Variants in VGLL4 observed in about 807,000 individuals in gnomAD.
VGLL4 encodes transcription cofactor vestigial-like protein 4.
Under a neutral mutation model 21.0 loss-of-function variants are expected in VGLL4, and 7 were observed. The observed-to-expected ratio is 0.33, with a 90% CI of 0.19 to 0.63. The LOEUF is 0.63. VGLL4 is among the 20% of genes least tolerant of loss of function. The pLI, the probability that VGLL4 is intolerant of heterozygous loss-of-function variation, is 0.78. For synonymous variants in VGLL4, 222 were observed against 173.2 expected, an observed-to-expected ratio of 1.28 and a Z score of -2.21; for missense variants, 394 against 425.7, an observed-to-expected ratio of 0.93 and a Z score of 0.66.
chr3:11,568,793 C>A lies in VGLL4; in HGVS notation c.273-3774G>T. On this transcript the variant is annotated intron_variant, in intron 2 of 4. Transcript: ENST00000430365. This position sits in a 1 kb window ranked among gnomAD's most constrained non-coding sequence, Gnocchi z 5.9. ...CTCCGCTCCTGGTCAGGACTGTGCCCGAGAGAGCCCACGGCATCCCCGCGA... is the reference window on the plus strand; with the variant it reads ...CTCCGCTCCTGGTCAGGACTGTGCCAGAGAGAGCCCACGGCATCCCCGCGA... 2 of 1,447,416 alleles carry A rather than the reference C, an allele frequency of 1.4e-6. No homozygotes were observed. Among genetic ancestry groups the A allele is most frequent in the Non-Finnish European group, 1.8e-6 (2 of 1,103,824 alleles). 89.7% of individuals were successfully genotyped at this position (1,447,416 alleles called of 1,614,324 possible).
At chr3:11,691,983 G>GA (rs36035876) in intron 2 of VGLL4, among the ~76,000 whole-genome samples, 62,881 of 105,664 alleles carry the variant, frequency 0.6, 17,028 homozygotes, top group Non-Finnish European at 0.67. Flanking sequence ...TGCACCAAAT[G>GA]AAAAAAAAAA....
rs909209898 is a variant in VGLL4 at position 11,568,512 on chromosome 3, T to C, written c.273-3493A>G. On this transcript the variant is annotated intron_variant, in intron 2 of 4. Transcript: ENST00000430365. This position sits in a 1 kb window ranked among gnomAD's most constrained non-coding sequence, Gnocchi z 5.9. ...AGACAGTCCGTGGAACACAGCACAG[T>C]GGGCACTATGGGTCAGACAAAGACA... is the stretch of plus-strand genomic sequence containing the variant. The C allele has an allele frequency of 5.3e-6, 8 of 1,498,206 alleles. No individual in the cohort carries two copies. The highest frequency in any genetic ancestry group is 7.3e-6 in the Non-Finnish European group (8 of 1,099,296). 92.8% of individuals were successfully genotyped at this position (1,498,206 alleles called of 1,614,324 possible).
intron 1 of VGLL4, among the ~76,000 whole-genome samples, chr3:11,628,374 G>A (rs1365191930): frequency 6.7e-6 from 1 of 150,108 alleles, no homozygotes; most frequent in Non-Finnish European, 1.5e-5. Context: ...GGCAACAAGA[G>A]TGAAACTCCG....
intron 2 of VGLL4, among the ~76,000 whole-genome samples, chr3:11,700,282 G>A (rs1001705251): frequency 1.3e-5 from 2 of 152,126 alleles, no homozygotes; most frequent in Admixed American, 6.5e-5. Context: ...TTACCCTGAG[G>A]TAATTATTTC....
At chr3:11,562,640 GC>G (rs1416098166) in intron 3 of VGLL4, among the ~76,000 whole-genome samples, 1 of 152,224 alleles carries the variant, frequency 6.6e-6, no homozygotes, top group Admixed American at 6.5e-5. Context: ...GGTGTGCATG[GC>G]CTCAGCCCCG....
chr3:11,581,582 T>C (rs1245360771), intron 2 of VGLL4, among the ~76,000 whole-genome samples: 1 of 152,142 alleles, frequency 6.6e-6, no homozygotes, highest in Non-Finnish European at 1.5e-5. Flanking sequence ...ACCGTACAAG[T>C]TACTGAGAGA....
chr3:11,602,091 C>T (rs760870737), intron 1 of VGLL4, 69 bp from the exon 2 acceptor site: 15 of 1,388,414 alleles, frequency 1.1e-5, no homozygotes, highest in East Asian at 2.8e-5. Flanking sequence ...CCAGGCTCCC[C>T]GCCCGCCCAG....
chr3:11,614,823 C>G (rs1464306692), intron 1 of VGLL4, among the ~76,000 whole-genome samples: 1 of 152,188 alleles, frequency 6.6e-6, no homozygotes. Flanking sequence ...AAGCGAGTAA[C>G]TTAAAGTCAG....
In VGLL4 at chr3:11,700,419, A is replaced by G. The variant is rs1334328758; in HGVS notation, c.64+2552T>C. Reference sequence around the variant, plus strand: ...TAAACTGACTATATTGGCGCTCAACAAAGTCTGCAAATAGCTATTCAAATC... The same window carrying G: ...TAAACTGACTATATTGGCGCTCAACGAAGTCTGCAAATAGCTATTCAAATC... On this transcript the variant is annotated intron_variant, in intron 2 of 5. Transcript: ENST00000273038. 4.6e-5 allele frequency among the ~76,000 whole-genome samples: 7 copies of G among 152,206 alleles called. No homozygotes were observed. The South Asian group carries it at 1.0e-3, about 23-fold the overall frequency.
At chr3:11,574,833 G>A (rs2073986861) in intron 2 of VGLL4, among the ~76,000 whole-genome samples, 1 of 141,550 alleles carries the variant, frequency 7.1e-6, no homozygotes, top group African/African-American at 2.7e-5. Context: ...GTGTGTGTGT[G>A]TGTGTATTTT....
chr3:11,623,474 A>G (rs1164336380), intron 1 of VGLL4, among the ~76,000 whole-genome samples: 1 of 152,034 alleles, frequency 6.6e-6, no homozygotes, highest in Non-Finnish European at 1.5e-5. Context: ...TCTGTCTGCA[A>G]TTGGTTGAAA....
intron 2 of VGLL4, among the ~76,000 whole-genome samples, chr3:11,592,969 C>CT (rs2074538270): frequency 6.6e-6 from 1 of 152,224 alleles, no homozygotes; most frequent in Non-Finnish European, 1.5e-5. Context: ...GACCTATCAT[C>CT]ATTCTCCATG....
At chr3:11,558,863 G>A (rs761556303) in intron 4 of VGLL4, 36 bp from the exon 5 acceptor site, 1 of 1,602,832 alleles carries the variant, frequency 6.2e-7, no homozygotes. Context: ...GTCAGACACA[G>A]GTGGCTGCAG....
chr3:11,649,620 T>C (rs2075839558), intron 2 of VGLL4, among the ~76,000 whole-genome samples: 1 of 152,204 alleles, frequency 6.6e-6, no homozygotes, highest in African/African-American at 2.4e-5. Flanking sequence ...GTTTAACAAC[T>C]TAAAAATAAT....
rs533275707 is a variant in VGLL4, at chr3:11,556,596, G to C, written c.*1960C>G. ...CCTGCACTTTTACAGACAAATCTAC[G>C]ACAAAAAAAAAGATCAACTTTTTTT... is the stretch of plus-strand genomic sequence containing the variant. On this transcript the variant is annotated 3_prime_UTR_variant, in exon 5 of 5. Transcript: ENST00000430365. The C allele has an allele frequency of 6.7e-6, 1 of 149,604 alleles. No homozygotes were observed. The highest frequency in any genetic ancestry group is 2.5e-5 in the African/African-American group (1 of 40,448). The allele number at this position is 149,604 out of a possible 1,614,324, so 9.3% of individuals were successfully genotyped here.
intron 2 of VGLL4, among the ~76,000 whole-genome samples, chr3:11,595,413 T>C (rs1258794862): frequency 1.3e-5 from 2 of 152,206 alleles, no homozygotes. Flanking sequence ...TCAACCACTG[T>C]GGAAGTCAGT....
intron 3 of VGLL4, among the ~76,000 whole-genome samples, chr3:11,561,890 A>AATTT (rs1183301541): frequency 3.8e-4 from 30 of 79,254 alleles, no homozygotes; most frequent in Admixed American, 3.1e-3. Context: ...GCTGCGCCAA[A>AATTT]CTTTTTTTTT....
chr3:11,663,666 C>T (rs943213095), intron 2 of VGLL4, among the ~76,000 whole-genome samples: 1 of 152,034 alleles, frequency 6.6e-6, no homozygotes, highest in East Asian at 1.9e-4. Flanking sequence ...TGCAGTAAGC[C>T]GAGATCATGC....
intron 2 of VGLL4, among the ~76,000 whole-genome samples, chr3:11,586,205 A>G (rs2074358140): frequency 6.6e-6 from 1 of 152,262 alleles, no homozygotes; most frequent in Non-Finnish European, 1.5e-5. Flanking sequence ...GTCTGCACAC[A>G]TATGAAAGAA....
Sources: gnomAD v4.1 joint callset for allele counts (sites outside exome capture counted in the v4.1 genomes callset) on GRCh38, gnomAD v4.1.1 for gene constraint, Gnocchi (gnomAD v3.1) non-coding constraint, MANE v1.5 for transcripts, NCBI Gene and HGNC (gene_info 2026-07-23, HGNC 2026-07-21) for gene names.